The following ARHGAP30 variants were observed in gnomAD, a reference collection of about 807,000 sequenced individuals.
The protein encoded by ARHGAP30 is rho GTPase-activating protein 30.
In ARHGAP30, 23 loss-of-function variants were observed where a neutral mutation model predicts 72.0. The observed-to-expected ratio is 0.32, with a 90% CI of 0.23 to 0.45. The LOEUF (loss-of-function observed/expected upper bound fraction) is 0.45, where lower values mean the gene tolerates loss of function less well. ARHGAP30 is among the 20% of genes least tolerant of loss of function. The pLI is 1.00. For missense variants in ARHGAP30, 1,319 were observed against 1,383.4 expected, an observed-to-expected ratio of 0.95 and a Z score of 0.74; for synonymous variants, 576 against 528.2, an observed-to-expected ratio of 1.09 and a Z score of -1.24.
Position 161,051,301 on chromosome 1 carries a change from A to G in ARHGAP30, c.1420+13T>C. ...TCCCCTTTCCTAGTCTTGGTCAATC[A>G]ATGGGTCCTCACCTGGGGGGCCAGG... is the stretch of plus-strand genomic sequence containing the variant. On this transcript the variant is annotated intron_variant, in intron 10 of 11. Transcript: ENST00000368013. 3.2e-6 allele frequency: 5 copies of G among 1,569,194 alleles called. No homozygotes were observed. Among genetic ancestry groups the G allele is most frequent in the Non-Finnish European group, 4.3e-6 (5 of 1,159,024 alleles).
Position 161,047,745 on chromosome 1 carries a change from C to G in ARHGAP30, c.3276G>C (p.Gln1092His), listed in dbSNP as rs1425368254. 6.5e-7 allele frequency: 1 copy of G among 1,533,998 alleles called. No homozygotes were observed. Among genetic ancestry groups the G allele is most frequent in the South Asian group, 1.3e-5 (1 of 77,504 alleles). The change falls in exon 12 of 12, where the codon CAG (glutamine) becomes CAC (histidine). Residue 1092 changes from glutamine to histidine, a missense_variant. Around this residue, in one of 2 missense-constraint regions of ARHGAP30, gnomAD observed 1,097 missense variants for 1,045.2 expected, o/e 1.05. Transcript: ENST00000368013. ...SQRRSYAFET[Q>H]ANPGKGEGL Reference sequence around the variant, plus strand: ...GTCCTTCACCTTTCCCAGGGTTAGCCTGTGTTTCAAATGCATATGACCTGC... The same window carrying G: ...GTCCTTCACCTTTCCCAGGGTTAGCGTGTGTTTCAAATGCATATGACCTGC...
At chr1:161,060,678 G>A (rs567710367) in intron 1 of ARHGAP30, among the ~76,000 whole-genome samples, 1 of 149,970 alleles carries the variant, frequency 6.7e-6, no homozygotes, top group African/African-American at 2.4e-5. Flanking sequence ...CTGGTTGGTA[G>A]GGGAGGCAGA....
chr1:161,051,701 C>T lies in ARHGAP30; in HGVS notation c.1033G>A (p.Val345Met), dbSNP rs140334248. Residue 345 changes from valine to methionine, a missense_variant, in exon 10 of 12, where the codon GTG (valine) becomes ATG (methionine). This residue lies in a region of ARHGAP30 where 1,097 missense variants were observed against 1,045.2 expected (regional missense o/e 1.05). Transcript: ENST00000368013. ...AGASDEPEGL[V>M]GPSSPRPSPL... ...CTTGGCCGGGGGCTGCTGGGCCCCA[C>T]CAGCCCCTCTGGCTCTGTGGAGGAA... 630 of 1,609,924 alleles carry T rather than the reference C, an allele frequency of 3.9e-4. No homozygotes were observed. The highest frequency in any genetic ancestry group is 5.1e-4 in the Non-Finnish European group (600 of 1,178,464).
chr1:161,053,847 C>A (rs1651628269), intron 5 of ARHGAP30, among the ~76,000 whole-genome samples: 1 of 152,158 alleles, frequency 6.6e-6, no homozygotes, highest in African/African-American at 2.4e-5. Context: ...GGGTGGATCA[C>A]CTGAGGTCAG....
Position 161,056,387 on chromosome 1 carries a change from C to G in ARHGAP30, c.345+1G>C. ...TTCCACCCCTCGGCCTCTCAACTCA[C>G]AGCAAACTTGTCATAGAGCCGGTAA... On this transcript the variant is annotated splice_donor_variant, in intron 3 of 11. Coordinates refer to ENST00000368013, the MANE Select transcript of ARHGAP30 (RefSeq NM_001025598.2). LOFTEE classifies it high-confidence loss of function. The G allele has an allele frequency of 6.2e-7, 1 of 1,613,486 alleles. No individual in the cohort carries two copies. The highest frequency in any genetic ancestry group is 8.5e-7 in the Non-Finnish European group (1 of 1,179,760).
intron 1 of ARHGAP30, among the ~76,000 whole-genome samples, chr1:161,066,753 TAGTCTC>T (rs1255602037): frequency 6.6e-6 from 1 of 151,738 alleles, no homozygotes; most frequent in Non-Finnish European, 1.5e-5. Flanking sequence ...TGCCTCGTCT[TAGTCTC>T]AGTCCTACAG....
chr1:161,053,395 T>G lies in ARHGAP30; in HGVS notation c.537-10A>C. ...CTCTATGTCCTTAGACCTGTGGAGA[T>G]GTGGAATTATTCTCCCCCTCAGCCC... is the stretch of plus-strand genomic sequence containing the variant. On this transcript the variant is annotated splice_polypyrimidine_tract_variant and intron_variant, in intron 5 of 11. Transcript: ENST00000368013. The G allele has an allele frequency of 6.2e-7, 1 of 1,612,366 alleles. No individual in the cohort carries two copies. Among genetic ancestry groups the G allele is most frequent in the Non-Finnish European group, 8.5e-7 (1 of 1,179,290 alleles).
chr1:161,069,885 G>A lies in ARHGAP30; in HGVS notation c.-261C>T. On this transcript the variant is annotated 5_prime_UTR_variant, in exon 1 of 12. Transcript: ENST00000368013. The surrounding 1 kb of genome is among the most constrained non-coding windows in gnomAD (Gnocchi z 4.9). ...TGTCCTGTGTCTCGTGGCCCAGCCT[G>A]GCACTCGCCCTCCTCGCCCCGCTCA... 1.9e-6 allele frequency: 1 copy of A among 539,956 alleles called. No homozygotes were observed. Among genetic ancestry groups the A allele is most frequent in the African/African-American group, 1.9e-5 (1 of 52,848 alleles). The allele number at this position is 539,956 out of a possible 1,614,324, so 33.4% of individuals were successfully genotyped here.
intron 2 of ARHGAP30, 109 bp downstream of exon 2, chr1:161,059,504 CT>C: frequency 1.1e-6 from 1 of 884,312 alleles, no homozygotes; most frequent in Non-Finnish European, 1.7e-6. Flanking sequence ...GTGTTTCCTT[CT>C]CCCCACTGCC....
At position 161,047,879 on chromosome 1, in the gene ARHGAP30, T is replaced by A; in HGVS notation, c.3142A>T (p.Ser1048Cys). 6.2e-7 allele frequency: 1 copy of A among 1,611,786 alleles called. No homozygotes were observed. The highest frequency in any genetic ancestry group is 8.5e-7 in the Non-Finnish European group (1 of 1,178,924). ...CCTTCAGATGGGAGCTCCAGGCAGC[T>A]AAGGGGCCGAGGAGAATGGGCAGAG... ...MISAHSPRPL[S>C]CLELPSEGAE... The change falls in exon 12 of 12, where the codon AGC becomes TGC. Residue 1048 changes from serine (S) to cysteine (C), a missense_variant. Around this residue, in one of 2 missense-constraint regions of ARHGAP30, gnomAD observed 1,097 missense variants for 1,045.2 expected, o/e 1.05. Transcript: ENST00000368013.
chr1:161,057,536 G>A (rs1651967128), intron 2 of ARHGAP30, among the ~76,000 whole-genome samples: 1 of 152,128 alleles, frequency 6.6e-6, no homozygotes, highest in Middle Eastern at 3.2e-3. Flanking sequence ...TACTCAGAAG[G>A]CTGAGGTAGG....
Position 161,048,825 on chromosome 1 carries a change from T to C in ARHGAP30, c.2196A>G (p.Lys732=), listed in dbSNP as rs1324645294. 2 of 1,614,172 alleles carry C rather than the reference T, an allele frequency of 1.2e-6. No homozygotes were observed. The highest frequency in any genetic ancestry group is 3.3e-5 in the Admixed American group (2 of 60,016). The change falls in exon 12 of 12, where the codon AAA becomes AAG. Residue 732 remains lysine (K), a synonymous_variant. Coordinates refer to ENST00000368013, the MANE Select transcript of ARHGAP30 (RefSeq NM_001025598.2). ...CATCTCCTCCTGGTTCCTCCACACC[T>C]TTAGCCTCCATACTGTCAGCCTTCT... ...GQKKADSMEA[K]GVEEPGGDEY...
rs1333546431 is a variant in ARHGAP30, at chr1:161,064,850, GA to G, written c.97+4677del. ...AAGAAAGAGAAAGAAAGAAAGAAAG[GA>G]AAGGAAGGAGAGGAAGGAGAGGAAG... On this transcript the variant is annotated intron_variant, in intron 1 of 11. Transcript: ENST00000368013. 3.7e-4 allele frequency among the ~76,000 whole-genome samples: 28 copies of G among 75,394 alleles called. 1 individual carries two copies. Among genetic ancestry groups the G allele is most frequent in the African/African-American group, 1.1e-3 (25 of 23,310 alleles). The allele number at this position is 75,394 out of a possible 152,430, so 49.5% of individuals were successfully genotyped here.
At chr1:161,064,163 T>C (rs1430760381) in intron 1 of ARHGAP30, among the ~76,000 whole-genome samples, 1 of 152,232 alleles carries the variant, frequency 6.6e-6, no homozygotes, top group Non-Finnish European at 1.5e-5. Context: ...CTGGTTTTTG[T>C]GGCTTGTGGG....
At chr1:161,051,759 C>T (rs1222661158) in intron 9 of ARHGAP30, 44 bp from the exon 10 acceptor site, 3 of 1,529,450 alleles carry the variant, frequency 2.0e-6, no homozygotes, top group East Asian at 2.3e-5. Flanking sequence ...GCCTAAACTC[C>T]AAGGGGCCTA....
At chr1:161,055,876 A>AAAT (rs1227461182) in intron 3 of ARHGAP30, among the ~76,000 whole-genome samples, 1 of 19,080 alleles carries the variant, frequency 5.2e-5, no homozygotes, top group African/African-American at 1.4e-4. Flanking sequence ...AAAATAAAAT[A>AAAT]AAATAAAAAT....
Position 161,049,613 on chromosome 1 carries a change from C to T in ARHGAP30, c.1497G>A (p.Glu499=), listed in dbSNP as rs144819608. ...CCTGCACCTCCTGGGACAGCGAGTC[C>T]TCCAGGGCAGGAGCCAAGTCGTCTG... The part of the protein sequence containing the change: ...SGPDDLAPAL[E]DSLSQEVQDS... The change falls in exon 11 of 12, where the codon GAG becomes GAA. Residue 499 remains glutamate, a synonymous_variant. Coordinates refer to ENST00000368013, the MANE Select transcript of ARHGAP30 (RefSeq NM_001025598.2). The T allele has an allele frequency of 1.4e-5, 23 of 1,613,960 alleles. No homozygotes were observed. Among genetic ancestry groups the T allele is most frequent in the Non-Finnish European group, 1.9e-5 (23 of 1,179,982 alleles).
Position 161,047,792 on chromosome 1 carries a change from C to G in ARHGAP30, c.3229G>C (p.Asp1077His). The G allele has an allele frequency of 6.3e-7, 1 of 1,596,830 alleles. No homozygotes were observed. Among genetic ancestry groups the G allele is most frequent in the Non-Finnish European group, 8.5e-7 (1 of 1,173,234 alleles). Residue 1077 changes from aspartate to histidine, a missense_variant, in exon 12 of 12, where the codon GAC becomes CAC. By Grantham distance (81) the Asp-to-His change is moderately conservative (BLOSUM62 -1). Coordinates refer to ENST00000368013, the MANE Select transcript of ARHGAP30 (RefSeq NM_001025598.2). ...CTGCGCTGAGAGGACAACAGGGGGT[C>G]AGGAACCTGGGGTTCTCTGGGGGGC... ...SLPPREPQVP[D>H]PLLSSQRRSY...
At chr1:161,066,531 C>G (rs891502929) in intron 1 of ARHGAP30, among the ~76,000 whole-genome samples, 1 of 150,428 alleles carries the variant, frequency 6.6e-6, no homozygotes, top group Non-Finnish European at 1.5e-5. Flanking sequence ...GTAGTCCCAG[C>G]TACTCGAGAG....
Sources: gnomAD v4.1 joint callset for allele counts (sites outside exome capture counted in the v4.1 genomes callset) on GRCh38, gnomAD v4.1.1 for gene constraint, gnomAD v4.1.1 regional missense constraint, Gnocchi (gnomAD v3.1) non-coding constraint, MANE v1.5 for transcripts, NCBI Gene and HGNC (gene_info 2026-07-23, HGNC 2026-07-21) for gene names.